The following NDUFS4 variants were observed in gnomAD, a reference collection of about 807,000 sequenced individuals.
The protein encoded by NDUFS4 is NADH dehydrogenase [ubiquinone] iron-sulfur protein 4, mitochondrial.
Under a neutral mutation model 24.3 loss-of-function variants are expected in NDUFS4, and 28 were observed. That is an observed-to-expected ratio of 1.15 (90% confidence interval 0.85 to 1.58). NDUFS4 has a LOEUF of 1.58. Ranked by LOEUF, NDUFS4 falls within the 40% of genes most tolerant of loss-of-function variation. The probability of loss-of-function intolerance (pLI) is 0.00; values close to 1 mark genes in which losing one functional copy is unlikely to be tolerated. For missense variants in NDUFS4, 223 were observed against 207.9 expected (o/e 1.07, Z -0.45); for synonymous variants, 93 against 69.7 (o/e 1.34, Z -1.67).
At chr5:53,572,633 G>C (rs981968108) in intron 1 of NDUFS4, among the ~76,000 whole-genome samples, 4 of 150,678 alleles carry the variant, frequency 2.7e-5, no homozygotes, top group Non-Finnish European at 5.9e-5. Context: ...ATTTTTTTCT[G>C]TATTGTCTTC....
At chr5:53,604,975 AC>A (rs1414072462) in intron 2 of NDUFS4, 5 of 423,764 alleles carry the variant, frequency 1.2e-5, no homozygotes, top group Non-Finnish European at 4.8e-6. Flanking sequence ...TAATCCCAGC[AC>A]TTTGGGAGGC....
At chr5:53,618,131 G>A (rs1423264552) in intron 2 of NDUFS4, among the ~76,000 whole-genome samples, 2 of 152,014 alleles carry the variant, frequency 1.3e-5, no homozygotes, top group Non-Finnish European at 2.9e-5. Context: ...AATTAGCCGA[G>A]GGTAGTGGCG....
At chr5:53,606,532 A>G (rs1158267079) in intron 2 of NDUFS4, among the ~76,000 whole-genome samples, 2 of 152,038 alleles carry the variant, frequency 1.3e-5, no homozygotes, top group African/African-American at 4.8e-5. Flanking sequence ...ACGCCTGGCT[A>G]GTTTTTGTAC....
rs31305 is a variant in NDUFS4, at chr5:53,646,075, A to G, written c.178-158A>G. ...TACAGGTATCTAAATAGTAATTTAC[A>G]TTGTAAAGTATCAGAATGGTAGTGA... is the stretch of plus-strand genomic sequence containing the variant. On this transcript the variant is annotated intron_variant, in intron 2 of 4. Coordinates refer to ENST00000296684, the MANE Select transcript of NDUFS4 (RefSeq NM_002495.4). 599,622 of 626,962 alleles carry G rather than the reference A, an allele frequency of 0.96. 287,041 individuals are homozygous for G. Among genetic ancestry groups the G allele is most frequent in the Admixed American group, 0.98 (38,038 of 38,790 alleles). 38.8% of individuals were successfully genotyped at this position (626,962 alleles called of 1,614,324 possible).
chr5:53,582,483 A>G lies in NDUFS4; in HGVS notation c.99-20969A>G, dbSNP rs911347086. Among the ~76,000 whole-genome samples the G allele has an allele frequency of 2.6e-5, 4 of 152,298 alleles. No homozygotes were observed. The South Asian group carries it at 8.3e-4, about 32-fold the overall frequency. ...ATGTATACATGCCAGTTCAGCTCAC[A>G]TGTACATCCTTCGGATGTGGGAGGA... On this transcript the variant is annotated intron_variant, in intron 1 of 4. Coordinates refer to ENST00000296684, the MANE Select transcript of NDUFS4 (RefSeq NM_002495.4).
intron 1 of NDUFS4, among the ~76,000 whole-genome samples, chr5:53,565,131 C>G (rs1748977529): frequency 6.6e-6 from 1 of 152,132 alleles, no homozygotes; most frequent in Admixed American, 6.5e-5. Context: ...ATTCCTTTTC[C>G]CTCTGATGTG....
In NDUFS4 at chr5:53,625,274, T is replaced by G. The variant is rs188525900; in HGVS notation, c.178-20959T>G. 2.0e-5 allele frequency among the ~76,000 whole-genome samples: 3 copies of G among 152,320 alleles called. No individual in the cohort carries two copies. The East Asian group carries it at 5.8e-4, about 29-fold the overall frequency. On this transcript the variant is annotated intron_variant, in intron 2 of 4. Transcript: ENST00000296684. ...TTACTGTGTAGGTAATGTGTCTTTC[T>G]TAAGACTACTTTTATGATAATTATC...
chr5:53,660,449 G>A (rs1336998043), intron 4 of NDUFS4, among the ~76,000 whole-genome samples: 12 of 151,940 alleles, frequency 7.9e-5, no homozygotes, highest in South Asian at 2.1e-4. Context: ...GAATAGTGCC[G>A]CAGTAAACAT....
chr5:53,628,786 G>A (rs2112487006), intron 2 of NDUFS4, among the ~76,000 whole-genome samples: 1 of 152,132 alleles, frequency 6.6e-6, no homozygotes, highest in East Asian at 1.9e-4. Flanking sequence ...AGTCTTGCTA[G>A]CAGTCTATCT....
At chr5:53,581,952 C>T (rs1749579947) in intron 1 of NDUFS4, among the ~76,000 whole-genome samples, 1 of 152,202 alleles carries the variant, frequency 6.6e-6, no homozygotes, top group Admixed American at 6.5e-5. Flanking sequence ...TGGCTCACGC[C>T]TGTAATCCCA....
At chr5:53,654,648 A>C (rs766660047) in intron 3 of NDUFS4, among the ~76,000 whole-genome samples, 1 of 152,154 alleles carries the variant, frequency 6.6e-6, no homozygotes, top group Non-Finnish European at 1.5e-5. Context: ...ACTGCTACTG[A>C]TACTTAAACT....
intron 2 of NDUFS4, among the ~76,000 whole-genome samples, chr5:53,614,835 T>C (rs186123058): frequency 5.4e-4 from 82 of 152,110 alleles, no homozygotes; most frequent in African/African-American, 1.9e-3. Flanking sequence ...TAGGAAACTT[T>C]GGCTCTCAAG....
chr5:53,631,971 C>T (rs1321878331), intron 2 of NDUFS4, among the ~76,000 whole-genome samples: 2 of 152,176 alleles, frequency 1.3e-5, no homozygotes, highest in Non-Finnish European at 2.9e-5. Flanking sequence ...GGGAAATTCC[C>T]CGACCCCTTG....
chr5:53,654,181 A>G (rs1005318711), intron 3 of NDUFS4, among the ~76,000 whole-genome samples: 5 of 151,954 alleles, frequency 3.3e-5, no homozygotes, highest in Non-Finnish European at 5.9e-5. Flanking sequence ...TCTACCAATA[A>G]TTAAAAAAAA....
At chr5:53,651,859 G>A (rs449208) in intron 3 of NDUFS4, among the ~76,000 whole-genome samples, 38,514 of 148,746 alleles carry the variant, frequency 0.26, 6,600 homozygotes, top group African/African-American at 0.48. Flanking sequence ...TGCAAGCTCC[G>A]CCTCCCGGGT....
intron 2 of NDUFS4, among the ~76,000 whole-genome samples, chr5:53,639,519 G>T (rs973467663): frequency 6.6e-6 from 1 of 151,864 alleles, no homozygotes; most frequent in African/African-American, 2.4e-5. Context: ...CTTTAAGGTT[G>T]CAAGTTACCA....
intron 1 of NDUFS4, among the ~76,000 whole-genome samples, chr5:53,582,241 A>AAAATTAAATTAAATT (rs376384292): frequency 2.0e-4 from 27 of 134,152 alleles, no homozygotes; most frequent in African/African-American, 5.5e-4. Flanking sequence ...AAAATAAAAT[A>AAAATTAAATTAAATT]AAATTAAATT....
chr5:53,584,259 A>G (rs1749669089), intron 1 of NDUFS4, among the ~76,000 whole-genome samples: 1 of 152,268 alleles, frequency 6.6e-6, no homozygotes. Context: ...TGCGTAAGAC[A>G]TAATAGATAT....
chr5:53,677,095 C>G (rs1740499559), intron 4 of NDUFS4, among the ~76,000 whole-genome samples: 1 of 152,060 alleles, frequency 6.6e-6, no homozygotes, highest in African/African-American at 2.4e-5. Flanking sequence ...TTTCTAATGG[C>G]TGATTTTCAG....
Sources: allele counts gnomAD v4.1 joint callset (sites outside exome capture counted in the v4.1 genomes callset), GRCh38; gene constraint gnomAD v4.1.1; transcripts MANE v1.5; gene names NCBI Gene and HGNC (gene_info 2026-07-23, HGNC 2026-07-21).